CYP39A1: variants seen among roughly 807,000 people sequenced by gnomAD.
The protein encoded by CYP39A1 is cytochrome P450 family 39 subfamily A member 1.
CYP39A1 carries 49 observed loss-of-function variants against 58.1 expected under a neutral mutation model. That is an observed-to-expected ratio of 0.84 (90% confidence interval 0.67 to 1.07). CYP39A1 has a LOEUF of 1.07. Among genes scored for constraint, CYP39A1 ranks in the 50% least tolerant of loss-of-function variants. The pLI is 0.00. For synonymous variants in CYP39A1, 209 were observed against 187.6 expected, an observed-to-expected ratio of 1.11 and a Z score of -0.93; for missense variants, 531 against 539.4, an observed-to-expected ratio of 0.98 and a Z score of 0.16.
At chr6:46,637,194 G>A (rs1776041860) in intron 4 of CYP39A1, among the ~76,000 whole-genome samples, 1 of 152,080 alleles carries the variant, frequency 6.6e-6, no homozygotes, top group African/African-American at 2.4e-5. Flanking sequence ...CCAGCCTCCA[G>A]GGCAATGAGA....
Position 46,604,334 on chromosome 6 carries a change from C to G in CYP39A1, c.932-8214G>C, listed in dbSNP as rs140631306. Among the ~76,000 whole-genome samples the G allele has an allele frequency of 3.1e-3, 477 of 152,280 alleles. 2 individuals carry two copies. Among genetic ancestry groups the G allele is most frequent in the African/African-American group, 0.011 (461 of 41,566 alleles). On this transcript the variant is annotated intron_variant, in intron 7 of 11. Coordinates refer to ENST00000275016, the MANE Select transcript of CYP39A1 (RefSeq NM_016593.5). ...GACTTTACGATGGAATATCTTGCCT[C>G]TCAGCTATCCCGATTTTTACTCTAG...
At chr6:46,570,377 T>C (rs1016472792) in intron 10 of CYP39A1, among the ~76,000 whole-genome samples, 3 of 152,186 alleles carry the variant, frequency 2.0e-5, no homozygotes, top group Non-Finnish European at 4.4e-5. Context: ...ACTTTGTGCT[T>C]CATTTGTTCT....
At chr6:46,554,817 A>G (rs806504) in intron 10 of CYP39A1, among the ~76,000 whole-genome samples, 59,769 of 151,686 alleles carry the variant, frequency 0.39, 14,752 homozygotes, top group African/African-American at 0.7. Flanking sequence ...TCCTTTTTTT[A>G]TGGTTCTCCT....
At chr6:46,564,602 A>T (rs1475036254) in intron 10 of CYP39A1, among the ~76,000 whole-genome samples, 1 of 152,166 alleles carries the variant, frequency 6.6e-6, no homozygotes, top group African/African-American at 2.4e-5. Context: ...GCAGTGATAG[A>T]AGGAGAGAGA....
intron 5 of CYP39A1, 128 bp downstream of exon 5, chr6:46,636,261 A>T (rs1465818359): frequency 3.3e-6 from 2 of 614,720 alleles, no homozygotes; most frequent in Non-Finnish European, 5.7e-6. Flanking sequence ...GTATCTCAAC[A>T]TGTCCAGTAC....
chr6:46,584,797 C>T (rs1315529024), intron 10 of CYP39A1, among the ~76,000 whole-genome samples: 1 of 152,124 alleles, frequency 6.6e-6, no homozygotes, highest in Admixed American at 6.6e-5. Flanking sequence ...AAAGGTCTCC[C>T]GCCACTTTCC....
At chr6:46,602,971 T>A (rs575581751) in intron 7 of CYP39A1, among the ~76,000 whole-genome samples, 13 of 149,502 alleles carry the variant, frequency 8.7e-5, no homozygotes, top group African/African-American at 3.2e-4. Context: ...AACTAAATAA[T>A]GTGATGATCA....
intron 10 of CYP39A1, among the ~76,000 whole-genome samples, chr6:46,569,498 C>T (rs1029668441): frequency 3.9e-5 from 6 of 152,030 alleles, no homozygotes; most frequent in Non-Finnish European, 5.9e-5. Flanking sequence ...ATGATGTTAG[C>T]TGTGGGCTTG....
intron 7 of CYP39A1, among the ~76,000 whole-genome samples, chr6:46,606,215 T>C (rs1230377145): frequency 6.6e-6 from 1 of 152,158 alleles, no homozygotes; most frequent in East Asian, 1.9e-4. Context: ...TGAAAACATT[T>C]AAAATTATGA....
At chr6:46,570,609 C>G (rs936145204) in intron 10 of CYP39A1, among the ~76,000 whole-genome samples, 2 of 152,154 alleles carry the variant, frequency 1.3e-5, no homozygotes, top group African/African-American at 4.8e-5. Context: ...GCTCATGGTT[C>G]TGCAGGCTGT....
At chr6:46,572,600 T>C (rs994994463) in intron 10 of CYP39A1, among the ~76,000 whole-genome samples, 1 of 152,202 alleles carries the variant, frequency 6.6e-6, no homozygotes, top group Non-Finnish European at 1.5e-5. Flanking sequence ...AATTTCTTTG[T>C]CTTTGACTTT....
chr6:46,635,479 C>T (rs188255964), intron 5 of CYP39A1, among the ~76,000 whole-genome samples: 128 of 152,292 alleles, frequency 8.4e-4, no homozygotes, highest in African/African-American at 3.0e-3. Context: ...AGGTGAGAAC[C>T]ATTCATTAGC....
intron 1 of CYP39A1, among the ~76,000 whole-genome samples, chr6:46,648,763 A>C (rs186994472): frequency 1.3e-5 from 2 of 152,248 alleles, no homozygotes; most frequent in Admixed American, 6.5e-5. Flanking sequence ...AAAAGACTAA[A>C]AGGATTAATG....
At chr6:46,576,203 T>C (rs1771835174) in intron 10 of CYP39A1, among the ~76,000 whole-genome samples, 1 of 152,052 alleles carries the variant, frequency 6.6e-6, no homozygotes. Context: ...CCAAGAGGGA[T>C]GGTACTAAAT....
intron 7 of CYP39A1, among the ~76,000 whole-genome samples, chr6:46,603,038 T>A (rs1445750390): frequency 6.6e-6 from 1 of 152,122 alleles, no homozygotes; most frequent in African/African-American, 2.4e-5. Context: ...AATTATATCA[T>A]TTTTACACCT....
chr6:46,618,547 C>T (rs1774756941), intron 7 of CYP39A1, among the ~76,000 whole-genome samples: 1 of 151,644 alleles, frequency 6.6e-6, no homozygotes, highest in Non-Finnish European at 1.5e-5. Flanking sequence ...AAAATAAAAC[C>T]ATAGGCAAAA....
intron 3 of CYP39A1, among the ~76,000 whole-genome samples, chr6:46,638,300 G>A (rs1776120046): frequency 6.6e-6 from 1 of 152,106 alleles, no homozygotes; most frequent in African/African-American, 2.4e-5. Flanking sequence ...GCAAATAATA[G>A]TAGCTAAGAT....
intron 7 of CYP39A1, among the ~76,000 whole-genome samples, chr6:46,604,346 G>A (rs757148279): frequency 2.6e-5 from 4 of 152,018 alleles, no homozygotes; most frequent in Non-Finnish European, 4.4e-5. Context: ...CAGCTATCCC[G>A]ATTTTTACTC....
intron 10 of CYP39A1, among the ~76,000 whole-genome samples, chr6:46,559,325 T>C (rs1770842034): frequency 1.3e-5 from 2 of 152,136 alleles, no homozygotes; most frequent in Admixed American, 1.3e-4. Context: ...GGAGGGCAGC[T>C]GCTCTGTGAC....
Sources: gnomAD v4.1 joint callset for allele counts (sites outside exome capture counted in the v4.1 genomes callset) on GRCh38, gnomAD v4.1.1 for gene constraint, MANE v1.5 for transcripts, NCBI Gene and HGNC (gene_info 2026-07-23, HGNC 2026-07-21) for gene names.